SLC4A4: variants seen among roughly 807,000 people sequenced by gnomAD.
The protein encoded by SLC4A4 is electrogenic sodium bicarbonate cotransporter 1.
Under a neutral mutation model 111.5 loss-of-function variants are expected in SLC4A4, and 27 were observed. The observed-to-expected ratio is 0.24, with a 90% CI of 0.18 to 0.33. The LOEUF is 0.33. Among genes scored for constraint, SLC4A4 ranks in the 10% least tolerant of loss-of-function variants. The probability of loss-of-function intolerance (pLI) is 1.00; values close to 1 mark genes in which losing one functional copy is unlikely to be tolerated. For synonymous variants in SLC4A4, 443 were observed against 463.4 expected (o/e 0.96, Z 0.57); for missense variants, 909 against 1,315.5 (o/e 0.69, Z 4.78).
rs188348912 is a variant in SLC4A4 at position 71,493,499 on chromosome 4, T to C, written c.1975-4002T>C. 6.6e-5 allele frequency among the ~76,000 whole-genome samples: 10 copies of C among 152,162 alleles called. No homozygotes were observed. In the East Asian group the frequency reaches 1.9e-3, roughly 29 times the overall value. On this transcript the variant is annotated intron_variant, in intron 15 of 25. Coordinates refer to ENST00000264485, the MANE Select transcript of SLC4A4 (RefSeq NM_001098484.3). The stretch of plus-strand genomic sequence containing the variant: ...GCCTAATGTATCCCAAATTGAATTC[T>C]GCTACTGTCTTGCTCTGCTCTTTTC...
intron 3 of SLC4A4, among the ~76,000 whole-genome samples, chr4:71,312,652 A>G (rs1361265581): frequency 6.6e-6 from 1 of 152,236 alleles, no homozygotes; most frequent in Non-Finnish European, 1.5e-5. Context: ...CATCACATAA[A>G]CAGAACCAAT....
At chr4:71,306,253 A>T (rs1290793005) in intron 3 of SLC4A4, among the ~76,000 whole-genome samples, 2 of 152,140 alleles carry the variant, frequency 1.3e-5, no homozygotes, top group African/African-American at 4.8e-5. Flanking sequence ...TTGAGCAGTT[A>T]GTTAGCTTTC....
chr4:71,297,790 G>A (rs1724925570), intron 3 of SLC4A4, among the ~76,000 whole-genome samples: 1 of 151,996 alleles, frequency 6.6e-6, no homozygotes, highest in Non-Finnish European at 1.5e-5. Flanking sequence ...GTTTCACCAT[G>A]TTGATTGGGC....
At chr4:71,225,995 A>G (rs1719025197) in intron 1 of SLC4A4, among the ~76,000 whole-genome samples, 1 of 152,246 alleles carries the variant, frequency 6.6e-6, no homozygotes, top group Admixed American at 6.5e-5. Context: ...GACATTTTGA[A>G]TCCTAATTTT....
At chr4:71,211,175 T>A (rs1172343793) in intron 1 of SLC4A4, among the ~76,000 whole-genome samples, 4 of 152,226 alleles carry the variant, frequency 2.6e-5, no homozygotes, top group Non-Finnish European at 5.9e-5. Context: ...AAACAGTTTA[T>A]CTTTTTATAA....
chr4:71,201,701 T>G (rs1396695641), intron 1 of SLC4A4, among the ~76,000 whole-genome samples: 1 of 152,230 alleles, frequency 6.6e-6, no homozygotes, highest in Non-Finnish European at 1.5e-5. Flanking sequence ...GTTCTTCTAA[T>G]ATGCTGTGAG....
At chr4:71,135,028 G>T (rs961206710) in intron 2 of SLC4A4, among the ~76,000 whole-genome samples, 14 of 152,252 alleles carry the variant, frequency 9.2e-5, no homozygotes, top group African/African-American at 3.4e-4. Context: ...TGAGTCCATC[G>T]CTGGGCTCCG....
intron 1 of SLC4A4, among the ~76,000 whole-genome samples, chr4:71,071,413 G>A (rs571127553): frequency 6.6e-6 from 1 of 152,056 alleles, no homozygotes; most frequent in African/African-American, 2.4e-5. Flanking sequence ...TCCATAGTGT[G>A]GGGCTATTGA....
intron 7 of SLC4A4, among the ~76,000 whole-genome samples, chr4:71,423,524 C>T (rs1277907038): frequency 6.6e-6 from 1 of 152,126 alleles, no homozygotes; most frequent in African/African-American, 2.4e-5. Context: ...AAAGAGCCCG[C>T]ATCGCCAAGT....
At chr4:71,156,130 C>A (rs1208689562) in intron 2 of SLC4A4, among the ~76,000 whole-genome samples, 1 of 152,172 alleles carries the variant, frequency 6.6e-6, no homozygotes, top group Non-Finnish European at 1.5e-5. Flanking sequence ...TGATGCAGGG[C>A]ATCACCAGGC....
intron 3 of SLC4A4, among the ~76,000 whole-genome samples, chr4:71,322,443 T>C (rs1578834106): frequency 1.3e-5 from 2 of 152,032 alleles, no homozygotes; most frequent in African/African-American, 4.8e-5. Flanking sequence ...GTGACAGTAA[T>C]ATTGGAGCTA....
intron 2 of SLC4A4, among the ~76,000 whole-genome samples, chr4:71,103,486 C>T (rs896208395): frequency 8.9e-4 from 135 of 152,206 alleles, no homozygotes; most frequent in Non-Finnish European, 1.4e-3. Context: ...CAGCACCACA[C>T]CACACCTATT....
At chr4:71,465,952 CCTCT>C (rs1302332779) in intron 12 of SLC4A4, among the ~76,000 whole-genome samples, 1 of 151,914 alleles carries the variant, frequency 6.6e-6, no homozygotes, top group Non-Finnish European at 1.5e-5. Context: ...CCTTTGTGCC[CCTCT>C]CTATTTCAAA....
chr4:71,269,050 G>A (rs972435098), intron 3 of SLC4A4, among the ~76,000 whole-genome samples: 1 of 152,210 alleles, frequency 6.6e-6, no homozygotes, highest in Non-Finnish European at 1.5e-5. Context: ...CACATGCTGT[G>A]TTGGGAGTCA....
Position 71,453,561 on chromosome 4 carries a change from T to C in SLC4A4, c.1389T>C (p.Asp463=). The change falls in exon 12 of 26, where the codon GAT becomes GAC. Residue 463 remains aspartate, a synonymous_variant. Coordinates refer to ENST00000264485, the MANE Select transcript of SLC4A4 (RefSeq NM_001098484.3). ...CATTTTTTGCCAGTGATTTTTATGA[T>C]GCTTTAAATATTCAAGCTCTTTCGG... is the stretch of plus-strand genomic sequence containing the variant. The part of the protein sequence containing the change: ...KAPFFASDFY[D]ALNIQALSAI... 1 of 1,613,940 alleles carries C rather than the reference T, an allele frequency of 6.2e-7. No individual in the cohort carries two copies. The highest frequency in any genetic ancestry group is 8.5e-7 in the Non-Finnish European group (1 of 1,179,814).
intron 18 of SLC4A4, among the ~76,000 whole-genome samples, chr4:71,546,003 AGT>A (rs1735487127): frequency 6.6e-6 from 1 of 152,090 alleles, no homozygotes; most frequent in Non-Finnish European, 1.5e-5. Context: ...AATGGTCTTA[AGT>A]CCTCTATGGA....
chr4:71,297,385 G>T (rs1724875788), intron 3 of SLC4A4, among the ~76,000 whole-genome samples: 1 of 152,044 alleles, frequency 6.6e-6, no homozygotes, highest in Admixed American at 6.6e-5. Flanking sequence ...TCTCTGCAAA[G>T]TCATATTACA....
At chr4:71,413,390 A>G (rs1721559862) in intron 7 of SLC4A4, among the ~76,000 whole-genome samples, 1 of 152,122 alleles carries the variant, frequency 6.6e-6, no homozygotes, top group Non-Finnish European at 1.5e-5. Context: ...TGTGTGTTTT[A>G]CCTCAACTGT....
At position 71,472,755 on chromosome 4, in the gene SLC4A4, T is replaced by C. The variant is rs1728002470; in HGVS notation, c.1688T>C (p.Phe563Ser). The C allele has an allele frequency of 3.7e-6, 6 of 1,612,974 alleles. No homozygotes were observed. Among genetic ancestry groups the C allele is most frequent in the Non-Finnish European group, 5.1e-6 (6 of 1,179,330 alleles). The part of the protein sequence containing the change: ...FRLWIGLWSA[F>S]LCLILVATDA... ...CTTTGGATTGGCCTGTGGTCCGCCTTCCTATGTCTCATTTTGGTAGCCACT... is the reference window on the plus strand; with the variant it reads ...CTTTGGATTGGCCTGTGGTCCGCCTCCCTATGTCTCATTTTGGTAGCCACT... The change falls in exon 14 of 26, where the codon TTC (phenylalanine) becomes TCC (serine). Residue 563 changes from phenylalanine to serine, a missense_variant. By Grantham distance (155) the Phe-to-Ser change is radical. Around this residue, in one of 7 missense-constraint regions of SLC4A4, gnomAD observed 264 missense variants for 356.8 expected, o/e 0.74. Transcript: ENST00000264485.
Sources: gnomAD v4.1 joint callset for allele counts (sites outside exome capture counted in the v4.1 genomes callset) on GRCh38, gnomAD v4.1.1 for gene constraint, gnomAD v4.1.1 regional missense constraint, MANE v1.5 for transcripts, NCBI Gene and HGNC (gene_info 2026-07-23, HGNC 2026-07-21) for gene names.